The following ROS1 variants were observed in gnomAD, a reference collection of about 807,000 sequenced individuals.
ROS1 encodes the protein ROS proto-oncogene 1, receptor tyrosine kinase, also known as proto-oncogene tyrosine-protein kinase ROS.
In ROS1, 263 loss-of-function variants were observed where a neutral mutation model predicts 273.5. The observed-to-expected ratio is 0.96, with a 90% CI of 0.87 to 1.06. The LOEUF (loss-of-function observed/expected upper bound fraction) is 1.06. Among genes scored for constraint, ROS1 ranks in the 50% least tolerant of loss-of-function variants. The pLI is 0.00. For missense variants in ROS1, 2,833 were observed against 2,751.1 expected, an observed-to-expected ratio of 1.03 and a Z score of -0.67; for synonymous variants, 1,008 against 954.1, an observed-to-expected ratio of 1.06 and a Z score of -1.04.
In ROS1 at chr6:117,365,726, G is replaced by A. The variant is rs2128661194; in HGVS notation, c.2813C>T (p.Thr938Ile). The change falls in exon 20 of 44, where the codon ACC becomes ATC. Residue 938 changes from threonine to isoleucine, a missense_variant. Transcript: ENST00000368507. ...AACAGAATCTGGAATAACCTTAGGGGTAAAGGAAAAGTTCCCTACAGGATG... is the reference window on the plus strand; with the variant it reads ...AACAGAATCTGGAATAACCTTAGGGATAAAGGAAAAGTTCCCTACAGGATG... ...LKPLPGNFSFTPKVIPDSVQE... is the reference protein window; with the variant it reads ...LKPLPGNFSFIPKVIPDSVQE... The A allele has an allele frequency of 1.3e-6, 2 of 1,576,780 alleles. No individual in the cohort carries two copies. Among genetic ancestry groups the A allele is most frequent in the Non-Finnish European group, 1.7e-6 (2 of 1,167,384 alleles).
At chr6:117,335,924 C>T (rs1326464959) in intron 32 of ROS1, among the ~76,000 whole-genome samples, 1 of 151,908 alleles carries the variant, frequency 6.6e-6, no homozygotes, top group Admixed American at 6.6e-5. Flanking sequence ...TGTAACAACC[C>T]TGCACGTTCT....
chr6:117,353,060 G>A lies in ROS1; in HGVS notation c.4233C>T (p.Ile1411=), dbSNP rs749153955. ...TCCTTAGGGCCTTCACCTGGGAAAC[G>A]ATGGCCCCATTTCCTTTCTTTGCCT... ...IYQAKKGNGA[I]VSQVKALRSR... The change falls in exon 27 of 44, where the codon ATC becomes ATT. Residue 1411 remains isoleucine (I), a synonymous_variant. Coordinates refer to ENST00000368507, the MANE Select transcript of ROS1 (RefSeq NM_001378902.1). The A allele has an allele frequency of 1.2e-5, 19 of 1,613,984 alleles. No homozygotes were observed. The Admixed American group carries it at 1.5e-4, about 13-fold the overall frequency.
intron 8 of ROS1, among the ~76,000 whole-genome samples, 162 bp from the exon 9 acceptor site, chr6:117,396,426 C>T (rs1773494952): frequency 6.6e-6 from 1 of 152,190 alleles, no homozygotes; most frequent in Admixed American, 6.5e-5. Context: ...CCATCAATCA[C>T]ATCCTTGTTT....
At chr6:117,404,189 C>T in intron 6 of ROS1, 91 bp downstream of exon 6, 1 of 1,252,864 alleles carries the variant, frequency 8.0e-7, no homozygotes, top group Non-Finnish European at 1.1e-6. Flanking sequence ...CCACTGCACT[C>T]CAGCCTGGGC....
At chr6:117,388,414 T>G (rs1452274637) in intron 13 of ROS1, among the ~76,000 whole-genome samples, 1 of 152,212 alleles carries the variant, frequency 6.6e-6, no homozygotes, top group Admixed American at 6.5e-5. Flanking sequence ...CCTATTCATT[T>G]TCAGCCATCT....
chr6:117,381,872 A>C (rs1405684086), intron 17 of ROS1, among the ~76,000 whole-genome samples: 1 of 152,108 alleles, frequency 6.6e-6, no homozygotes, highest in East Asian at 1.9e-4. Flanking sequence ...TGCAGTGTAT[A>C]AGCGTTTGGA....
chr6:117,312,055 C>A (rs499338), intron 39 of ROS1, among the ~76,000 whole-genome samples: 14,352 of 152,158 alleles, frequency 0.094, 868 homozygotes, highest in Middle Eastern at 0.14. Context: ...CACCCCCAGG[C>A]TGCACCAGCC....
chr6:117,353,656 C>A (rs1176947831), intron 26 of ROS1, among the ~76,000 whole-genome samples: 1 of 152,238 alleles, frequency 6.6e-6, no homozygotes, highest in African/African-American at 2.4e-5. Flanking sequence ...GGTTCAGTTA[C>A]AGCCTTGAAA....
At chr6:117,379,726 G>A (rs914732006) in intron 17 of ROS1, among the ~76,000 whole-genome samples, 2 of 152,120 alleles carry the variant, frequency 1.3e-5, no homozygotes, top group African/African-American at 4.8e-5. Context: ...GCTCCAGTAT[G>A]CTTTAAAACT....
At chr6:117,293,988 A>T (rs1774025895) in intron 43 of ROS1, among the ~76,000 whole-genome samples, 1 of 152,216 alleles carries the variant, frequency 6.6e-6, no homozygotes, top group Admixed American at 6.5e-5. Context: ...GTATGCAAGG[A>T]TAGTTCAACA....
intron 27 of ROS1, among the ~76,000 whole-genome samples, chr6:117,347,628 G>A (rs1471148306): frequency 1.3e-5 from 2 of 151,986 alleles, no homozygotes; most frequent in East Asian, 1.9e-4. Context: ...ATTGGGAGAG[G>A]GAACATCCTT....
At chr6:117,379,827 T>C (rs1009539799) in intron 17 of ROS1, among the ~76,000 whole-genome samples, 19 of 152,248 alleles carry the variant, frequency 1.2e-4, no homozygotes, top group African/African-American at 4.1e-4. Flanking sequence ...TCATACACTT[T>C]AAAAAGATCA....
chr6:117,369,101 C>G (rs916264985), intron 18 of ROS1, among the ~76,000 whole-genome samples: 2 of 151,950 alleles, frequency 1.3e-5, no homozygotes, highest in African/African-American at 2.4e-5. Context: ...TTAGAAAATA[C>G]TTTCTCCTTA....
rs967060533 is a variant in ROS1 at position 117,418,486 on chromosome 6, G to T, written c.144C>A (p.Gly48=). 1.2e-6 allele frequency: 2 copies of T among 1,602,174 alleles called. No individual in the cohort carries two copies. Among genetic ancestry groups the T allele is most frequent in the Admixed American group, 3.5e-5 (2 of 57,134 alleles). ...CCGGTTCACTCAGATTATGTGGTGT[G>T]CCAAGGTCAAGCTGCTGGCCCTGAA... is the stretch of plus-strand genomic sequence containing the variant. The part of the protein sequence containing the change: ...VTNLGQQLDL[G]TPHNLSEPCI... The change falls in exon 2 of 44, where the codon GGC becomes GGA. Residue 48 remains glycine, a synonymous_variant. Coordinates refer to ENST00000368507, the MANE Select transcript of ROS1 (RefSeq NM_001378902.1).
Position 117,414,041 on chromosome 6 carries a change from T to A in ROS1, c.255+478A>T, listed in dbSNP as rs75547409. ...GAAAGAGAGGAAGAAAGCAAGAAAGTAAGCAAGCAAGCAAGCAAGAAAGAA... is the reference window on the plus strand; with the variant it reads ...GAAAGAGAGGAAGAAAGCAAGAAAGAAAGCAAGCAAGCAAGCAAGAAAGAA... On this transcript the variant is annotated intron_variant, in intron 4 of 43. Transcript: ENST00000368507. Among the ~76,000 whole-genome samples, 17 of 71,560 alleles carry A rather than the reference T, an allele frequency of 2.4e-4. No individual in the cohort carries two copies. In the South Asian group the frequency reaches 2.8e-3, roughly 12 times the overall value. 46.9% of individuals were successfully genotyped at this position (71,560 alleles called of 152,430 possible). A position where few individuals can be genotyped will look rare whatever the true frequency, so the allele number is the denominator to read the frequency against.
At chr6:117,336,743 T>C (rs1777509059) in intron 32 of ROS1, among the ~76,000 whole-genome samples, 1 of 152,168 alleles carries the variant, frequency 6.6e-6, no homozygotes, top group African/African-American at 2.4e-5. Flanking sequence ...CTTTGTTCCT[T>C]CCATTCTTAT....
intron 18 of ROS1, among the ~76,000 whole-genome samples, chr6:117,375,583 T>C (rs549823146): frequency 6.6e-6 from 1 of 152,018 alleles, no homozygotes; most frequent in African/African-American, 2.4e-5. Flanking sequence ...AAATAAAAAA[T>C]TTAAAACCAA....
intron 35 of ROS1, among the ~76,000 whole-genome samples, chr6:117,323,405 T>G (rs1776417670): frequency 6.6e-6 from 1 of 152,154 alleles, no homozygotes; most frequent in Admixed American, 6.6e-5. Flanking sequence ...CCCTTGTAAC[T>G]TACCCCTACT....
Position 117,318,255 on chromosome 6 carries a change from A to G in ROS1, c.5923-3T>C, listed in dbSNP as rs1776056030. 3.7e-6 allele frequency: 6 copies of G among 1,611,114 alleles called. No individual in the cohort carries two copies. In the East Asian group the frequency reaches 1.3e-4, roughly 36 times the overall value. On this transcript the variant is annotated splice_region_variant and splice_polypyrimidine_tract_variant and intron_variant, in intron 37 of 43. Transcript: ENST00000368507. ...TCTGTGGAACCCTTCTTCAAAGTCT[A>G]TACAACATAAAAACAAGTCAGGAAT...
Sources: gnomAD v4.1 joint callset for allele counts (sites outside exome capture counted in the v4.1 genomes callset) on GRCh38, gnomAD v4.1.1 for gene constraint, MANE v1.5 for transcripts, NCBI Gene and HGNC (gene_info 2026-07-23, HGNC 2026-07-21) for gene names.